Variants in RAP1B observed in about 807,000 individuals in gnomAD.
The protein encoded by RAP1B is RAP1B, member of RAS oncogene family.
A neutral mutation model predicts 27.5 loss-of-function variants in RAP1B; 1 was observed. The ratio of observed to expected loss-of-function variants is 0.04; its 90% CI spans 0.01 to 0.17. The LOEUF (loss-of-function observed/expected upper bound fraction) is 0.17. Among genes scored for constraint, RAP1B ranks in the 10% least tolerant of loss-of-function variants. The pLI is 1.00. For synonymous variants in RAP1B, 75 were observed against 73.1 expected, an observed-to-expected ratio of 1.03 and a Z score of -0.13; for missense variants, 84 against 214.8, an observed-to-expected ratio of 0.39 and a Z score of 3.81.
chr12:68,611,931 C>G (rs916738755), intron 1 of RAP1B, among the ~76,000 whole-genome samples: 1 of 152,182 alleles, frequency 6.6e-6, no homozygotes, highest in Non-Finnish European at 1.5e-5. Flanking sequence ...ACACTGATGT[C>G]TTTTGGAGAA....
chr12:68,656,704 A>G, intron 6 of RAP1B: 1 of 557,134 alleles, frequency 1.8e-6, no homozygotes, highest in Middle Eastern at 4.7e-4. Flanking sequence ...TAGGGAAGAC[A>G]GATTAAGACT....
chr12:68,635,885 A>G (rs535781765), intron 1 of RAP1B, among the ~76,000 whole-genome samples: 9,400 of 151,670 alleles, frequency 0.062, 721 homozygotes, highest in African/African-American at 0.19. Context: ...ATACCCATGA[A>G]ATTTTTTTTT....
At chr12:68,612,717 C>T (rs942648350) in intron 1 of RAP1B, among the ~76,000 whole-genome samples, 2 of 152,214 alleles carry the variant, frequency 1.3e-5, no homozygotes, top group Non-Finnish European at 2.9e-5. Context: ...GAAACTGATA[C>T]TCAGATTAAA....
chr12:68,635,126 A>G (rs1592441928), intron 1 of RAP1B, among the ~76,000 whole-genome samples: 2 of 152,348 alleles, frequency 1.3e-5, no homozygotes, highest in East Asian at 3.9e-4. Flanking sequence ...TATGATAAGC[A>G]GTCTTCATTT....
At position 68,666,208 on chromosome 12, in the gene RAP1B, C is replaced by CTTTA. The variant is rs1407248948; in HGVS notation, c.*6963_*6966dup. The CTTTA allele has an allele frequency of 1.3e-5, 2 of 152,162 alleles. No individual in the cohort carries two copies. The highest frequency in any genetic ancestry group is 2.9e-5 in the Non-Finnish European group (2 of 68,028). 9.4% of individuals were successfully genotyped at this position (152,162 alleles called of 1,614,324 possible). ...TTCTCTACTTCCCCAGTAATGTAAACTTTATTTTCTCTCAATTTTCGTAAG... is the reference window on the plus strand; with the variant it reads ...TTCTCTACTTCCCCAGTAATGTAAACTTTATTTATTTTCTCTCAATTTTCGTAAG... On this transcript the variant is annotated 3_prime_UTR_variant, in exon 8 of 8. Transcript: ENST00000250559.
Position 68,660,611 on chromosome 12 carries a change from G to A in RAP1B, c.*1362G>A, listed in dbSNP as rs1874544349. 1 of 152,606 alleles carries A rather than the reference G, an allele frequency of 6.6e-6. No individual in the cohort carries two copies. Among genetic ancestry groups the A allele is most frequent in the Non-Finnish European group, 1.5e-5 (1 of 68,026 alleles). The allele number at this position is 152,606 out of a possible 1,614,324, so 9.5% of individuals were successfully genotyped here. A position where few individuals can be genotyped will look rare whatever the true frequency, so the allele number is the denominator to read the frequency against. On this transcript the variant is annotated 3_prime_UTR_variant, in exon 8 of 8. Transcript: ENST00000250559. ...TACCCTGGTTTTAATTGTAATAGGT[G>A]CATTTTACACAGCATGGTTTCATAA...
rs987725522 is a variant in RAP1B, at chr12:68,669,318, G to T, written c.*10069G>T. 6.6e-6 allele frequency: 1 copy of T among 152,134 alleles called. No individual in the cohort carries two copies. The highest frequency in any genetic ancestry group is 1.9e-4 in the East Asian group (1 of 5,192). The allele number at this position is 152,134 out of a possible 1,614,324, so 9.4% of individuals were successfully genotyped here. On this transcript the variant is annotated 3_prime_UTR_variant, in exon 8 of 8. Transcript: ENST00000250559. Reference sequence around the variant, plus strand: ...TAAAAATATCAATTCCCCCAAATTAGCATGTTAATGTATAATGATTACAAT... The same window carrying T: ...TAAAAATATCAATTCCCCCAAATTATCATGTTAATGTATAATGATTACAAT...
rs1427231035 is a variant in RAP1B at position 68,669,931 on chromosome 12, CTTTCT to C, written c.*10686_*10690del. 30 of 95,364 alleles carry C rather than the reference CTTTCT, an allele frequency of 3.1e-4. No individual in the cohort carries two copies. The highest frequency in any genetic ancestry group is 1.0e-3 in the African/African-American group (29 of 28,896). 5.9% of individuals were successfully genotyped at this position (95,364 alleles called of 1,614,324 possible). A position where few individuals can be genotyped will look rare whatever the true frequency, so the allele number is the denominator to read the frequency against. Reference sequence around the variant, plus strand: ...ACGTGACAAAAATATATTTCTTTTTCTTTCTTTTTTTTTTTTTTTTTTTTGAGACA... The same window carrying C: ...ACGTGACAAAAATATATTTCTTTTTCTTTTTTTTTTTTTTTTTTTGAGACA... On this transcript the variant is annotated 3_prime_UTR_variant, in exon 8 of 8. Coordinates refer to ENST00000250559, the MANE Select transcript of RAP1B (RefSeq NM_001010942.3).
chr12:68,641,307 C>G (rs1047765674), intron 1 of RAP1B, among the ~76,000 whole-genome samples: 2 of 152,190 alleles, frequency 1.3e-5, no homozygotes, highest in African/African-American at 4.8e-5. Flanking sequence ...AGCCACCACC[C>G]CCTTCTTCCA....
intron 1 of RAP1B, among the ~76,000 whole-genome samples, chr12:68,638,882 A>G (rs1309407126): frequency 1.3e-5 from 2 of 152,024 alleles, no homozygotes; most frequent in African/African-American, 4.8e-5. Context: ...GCTAGTGTCG[A>G]ATTCCTCACT....
intron 1 of RAP1B, among the ~76,000 whole-genome samples, chr12:68,623,212 G>A (rs1565658304): frequency 6.6e-6 from 1 of 152,120 alleles, no homozygotes; most frequent in African/African-American, 2.4e-5. Flanking sequence ...AAAACTGTTA[G>A]CAGTTCAGAA....
rs1055212413 is a variant in RAP1B, at chr12:68,664,711, AG to A, written c.*5463del. ...GCAACAGAGTGAGACTGCAAAAAAA[AG>A]AAAAAGAAAAAAAAATCCAGTCTCT... On this transcript the variant is annotated 3_prime_UTR_variant, in exon 8 of 8. Coordinates refer to ENST00000250559, the MANE Select transcript of RAP1B (RefSeq NM_001010942.3). The A allele has an allele frequency of 1.3e-5, 2 of 152,028 alleles. No homozygotes were observed. Among genetic ancestry groups the A allele is most frequent in the Admixed American group, 6.6e-5 (1 of 15,262 alleles). 9.4% of individuals were successfully genotyped at this position (152,028 alleles called of 1,614,324 possible). A position where few individuals can be genotyped will look rare whatever the true frequency, so the allele number is the denominator to read the frequency against.
At chr12:68,647,280 A>G in intron 1 of RAP1B, among the ~76,000 whole-genome samples, 1 of 148,888 alleles carries the variant, frequency 6.7e-6, no homozygotes, top group Non-Finnish European at 1.5e-5. Flanking sequence ...CACGCCTGTA[A>G]TCCCAGCACT....
intron 4 of RAP1B, among the ~76,000 whole-genome samples, chr12:68,653,021 G>A (rs1481540323): frequency 6.6e-6 from 1 of 152,104 alleles, no homozygotes; most frequent in East Asian, 1.9e-4. Context: ...GACCAGCCTG[G>A]CTAACATGGT....
chr12:68,654,313 C>CT, intron 5 of RAP1B, 61 bp downstream of exon 5: 3 of 937,948 alleles, frequency 3.2e-6, no homozygotes, highest in Non-Finnish European at 4.3e-6. Flanking sequence ...TTGTTTAAGT[C>CT]TAAATTTAAA....
rs1489888091 is a variant in RAP1B at position 68,668,449 on chromosome 12, AAAG to A, written c.*9203_*9205del. 1 of 152,224 alleles carries A rather than the reference AAAG, an allele frequency of 6.6e-6. No homozygotes were observed. Among genetic ancestry groups the A allele is most frequent in the African/African-American group, 2.4e-5 (1 of 41,466 alleles). 9.4% of individuals were successfully genotyped at this position (152,224 alleles called of 1,614,324 possible). On this transcript the variant is annotated 3_prime_UTR_variant, in exon 8 of 8. Coordinates refer to ENST00000250559, the MANE Select transcript of RAP1B (RefSeq NM_001010942.3). ...CTCGACTGCTTTATCTCACTTTGAAAAAGAAAAGTTACAAATTCTAGTAAGCAA... is the reference window on the plus strand; with the variant it reads ...CTCGACTGCTTTATCTCACTTTGAAAAAAAGTTACAAATTCTAGTAAGCAA...
At chr12:68,620,752 A>G (rs1871334422) in intron 1 of RAP1B, among the ~76,000 whole-genome samples, 1 of 151,652 alleles carries the variant, frequency 6.6e-6, no homozygotes, top group Admixed American at 6.6e-5. Flanking sequence ...GCATGCCACC[A>G]CACCCAACTA....
chr12:68,624,931 C>T (rs1029615023), intron 1 of RAP1B: 1 of 152,230 alleles, frequency 6.6e-6, no homozygotes, highest in East Asian at 1.9e-4. Flanking sequence ...AGTGACTGCC[C>T]ACTTTCCATG....
chr12:68,627,040 A>G, intron 1 of RAP1B: 1 of 1,592,606 alleles, frequency 6.3e-7, no homozygotes, highest in Non-Finnish European at 8.5e-7. Flanking sequence ...CGGCCAGAAA[A>G]CTTGAACTTG....
Sources: gnomAD v4.1 joint callset for allele counts (sites outside exome capture counted in the v4.1 genomes callset) on GRCh38, gnomAD v4.1.1 for gene constraint, MANE v1.5 for transcripts, NCBI Gene and HGNC (gene_info 2026-07-23, HGNC 2026-07-21) for gene names.